KIAA1328: variants seen among roughly 807,000 people sequenced by gnomAD.
KIAA1328 encodes the protein protein hinderin.
A neutral mutation model predicts 68.1 loss-of-function variants in KIAA1328; 52 were observed. The observed-to-expected ratio is 0.76, with a 90% CI of 0.61 to 0.96. The LOEUF is 0.96. Among genes scored for constraint, KIAA1328 ranks in the 40% least tolerant of loss-of-function variants. The probability of loss-of-function intolerance (pLI) is 0.00; values close to 1 mark genes in which losing one functional copy is unlikely to be tolerated. For missense variants in KIAA1328, 641 were observed against 677.6 expected (o/e 0.95, Z 0.60); for synonymous variants, 232 against 239.4 (o/e 0.97, Z 0.28).
intron 9 of KIAA1328, among the ~76,000 whole-genome samples, chr18:37,203,684 G>A (rs867184922): frequency 6.6e-6 from 1 of 152,198 alleles, no homozygotes; most frequent in Non-Finnish European, 1.5e-5. Context: ...TCCCAGCATG[G>A]CCAGGAGGCA....
At chr18:36,846,536 T>C (rs2047035063) in intron 4 of KIAA1328, among the ~76,000 whole-genome samples, 1 of 151,556 alleles carries the variant, frequency 6.6e-6, no homozygotes, top group Admixed American at 6.6e-5. Context: ...GTTTGACAAA[T>C]ATAAGATATA....
chr18:36,916,375 A>C (rs2049700693), intron 5 of KIAA1328, among the ~76,000 whole-genome samples: 1 of 152,072 alleles, frequency 6.6e-6, no homozygotes. Flanking sequence ...AAGCTTTTTC[A>C]GTGAAATTTT....
At chr18:37,110,689 A>G (rs1320343346) in intron 7 of KIAA1328, among the ~76,000 whole-genome samples, 3 of 152,208 alleles carry the variant, frequency 2.0e-5, no homozygotes, top group African/African-American at 7.2e-5. Context: ...CTGGATAGAT[A>G]GGATGGGCAA....
chr18:36,972,626 G>A (rs1344182725), intron 6 of KIAA1328, among the ~76,000 whole-genome samples: 2 of 152,170 alleles, frequency 1.3e-5, no homozygotes, highest in African/African-American at 2.4e-5. Context: ...AGCACTGGAT[G>A]AAACAACAGT....
At chr18:37,143,354 TG>T (rs2058816706) in intron 7 of KIAA1328, among the ~76,000 whole-genome samples, 1 of 152,168 alleles carries the variant, frequency 6.6e-6, no homozygotes, top group Admixed American at 6.5e-5. Flanking sequence ...GAAAGACTAT[TG>T]GTTTTTGAAG....
chr18:36,968,813 A>G (rs1270382315), intron 6 of KIAA1328, among the ~76,000 whole-genome samples: 1 of 152,178 alleles, frequency 6.6e-6, no homozygotes, highest in Non-Finnish European at 1.5e-5. Flanking sequence ...TCTCTACCCC[A>G]AAACAACACA....
At chr18:36,990,957 T>A (rs886654671) in intron 6 of KIAA1328, among the ~76,000 whole-genome samples, 1 of 152,210 alleles carries the variant, frequency 6.6e-6, no homozygotes, top group Non-Finnish European at 1.5e-5. Context: ...GCTGTTTGTA[T>A]AAACAGTTAA....
intron 4 of KIAA1328, among the ~76,000 whole-genome samples, chr18:36,880,056 G>A (rs1346217344): frequency 6.6e-6 from 1 of 152,190 alleles, no homozygotes; most frequent in East Asian, 1.9e-4. Flanking sequence ...TCTTGCTGGT[G>A]TTCCAGGCAC....
At chr18:36,990,482 C>G (rs1232357854) in intron 6 of KIAA1328, among the ~76,000 whole-genome samples, 2 of 151,940 alleles carry the variant, frequency 1.3e-5, no homozygotes, top group Non-Finnish European at 2.9e-5. Flanking sequence ...CAACACCAGC[C>G]TGGTCAACAT....
At chr18:37,226,675 G>A (rs1388768489), downstream of KIAA1328, among the ~76,000 whole-genome samples, 2 of 134,578 alleles carry the variant, frequency 1.5e-5, no homozygotes, top group African/African-American at 5.5e-5. Flanking sequence ...TGACATTTTT[G>A]TTTATCCATT....
chr18:36,927,190 T>C lies in KIAA1328; in HGVS notation c.449-32118T>C, dbSNP rs754631937. 6.6e-4 allele frequency among the ~76,000 whole-genome samples: 101 copies of C among 152,298 alleles called. 1 individual carries two copies. The highest frequency in any genetic ancestry group is 3.4e-3 in the Middle Eastern group (1 of 294). ...CATATCAGCATAAAAGGGTCAGTAA[T>C]GTAACAATGTTGGTTTTTCAGGTGT... is the stretch of plus-strand genomic sequence containing the variant. On this transcript the variant is annotated intron_variant, in intron 5 of 9. Transcript: ENST00000280020.
In KIAA1328 at chr18:37,223,119, TAGAG is replaced by T. The variant is rs1362739267; in HGVS notation, c.*899_*902del. 2.1e-6 allele frequency: 2 copies of T among 957,340 alleles called. No individual in the cohort carries two copies. Among genetic ancestry groups the T allele is most frequent in the Non-Finnish European group, 2.4e-6 (2 of 825,158 alleles). 59.3% of individuals were successfully genotyped at this position (957,340 alleles called of 1,614,324 possible). A position where few individuals can be genotyped will look rare whatever the true frequency, so the allele number is the denominator to read the frequency against. ...TGGTTATGTCTACGGAAAATGCCAC[TAGAG>T]AGAGAGTGATGCAAGCTGCTGCAAA... On this transcript the variant is annotated 3_prime_UTR_variant, in exon 10 of 10. Coordinates refer to ENST00000280020, the MANE Select transcript of KIAA1328 (RefSeq NM_020776.3).
At position 36,850,540 on chromosome 18, in the gene KIAA1328, A is replaced by G. The variant is rs149173698; in HGVS notation, c.332+6238A>G. 2.8e-3 allele frequency among the ~76,000 whole-genome samples: 426 copies of G among 152,238 alleles called. 3 individuals carry two copies. Among genetic ancestry groups the G allele is most frequent in the African/African-American group, 9.6e-3 (401 of 41,564 alleles). The stretch of plus-strand genomic sequence containing the variant: ...ACTTACATACCTATAATAAAGTTCA[A>G]TTTATAAGTTAGGCACAGTAGGGGA... On this transcript the variant is annotated intron_variant, in intron 4 of 9. Transcript: ENST00000280020.
At chr18:36,917,208 A>G (rs2049739902) in intron 5 of KIAA1328, among the ~76,000 whole-genome samples, 1 of 152,078 alleles carries the variant, frequency 6.6e-6, no homozygotes, top group African/African-American at 2.4e-5. Flanking sequence ...TATGAATGAC[A>G]TATTGTAGAC....
At chr18:37,051,831 C>T (rs534452125) in intron 6 of KIAA1328, among the ~76,000 whole-genome samples, 1 of 152,174 alleles carries the variant, frequency 6.6e-6, no homozygotes, top group Non-Finnish European at 1.5e-5. Context: ...TCACTGAAGT[C>T]AGGAGTTCAA....
intron 5 of KIAA1328, 105 bp downstream of exon 5, chr18:36,885,777 G>A (rs1369207298): frequency 5.9e-6 from 4 of 681,566 alleles, no homozygotes; most frequent in Non-Finnish European, 9.7e-6. Context: ...CAGTGCAATG[G>A]TGCGATTTCA....
At chr18:36,882,724 T>C (rs1369297801) in intron 4 of KIAA1328, among the ~76,000 whole-genome samples, 1 of 152,224 alleles carries the variant, frequency 6.6e-6, no homozygotes, top group African/African-American at 2.4e-5. Flanking sequence ...AGAATCATTT[T>C]ATCTGGATAG....
chr18:36,847,920 CTCTT>C (rs1568071884), intron 4 of KIAA1328, among the ~76,000 whole-genome samples: 1 of 151,690 alleles, frequency 6.6e-6, no homozygotes, highest in Non-Finnish European at 1.5e-5. Context: ...TATTTCTAGA[CTCTT>C]TGTTTCATTC....
intron 7 of KIAA1328, among the ~76,000 whole-genome samples, chr18:37,083,120 A>C (rs1267181009): frequency 1.3e-5 from 2 of 152,202 alleles, no homozygotes; most frequent in African/African-American, 4.8e-5. Context: ...GTACTCCTTG[A>C]AGGTAGTTGC....
Sources: allele counts gnomAD v4.1 joint callset (sites outside exome capture counted in the v4.1 genomes callset), GRCh38; gene constraint gnomAD v4.1.1; transcripts MANE v1.5; gene names NCBI Gene and HGNC (gene_info 2026-07-23, HGNC 2026-07-21).